Variants in SLC26A5 observed in about 807,000 individuals in gnomAD.
The protein encoded by SLC26A5 is prestin.
Under a neutral mutation model 81.0 loss-of-function variants are expected in SLC26A5, and 51 were observed. That is an observed-to-expected ratio of 0.63 (90% CI 0.50 to 0.80). SLC26A5 has a LOEUF of 0.80. Ranked by LOEUF, SLC26A5 falls within the 30% of genes least tolerant of loss-of-function variation. SLC26A5 has a pLI of 0.00. For missense variants in SLC26A5, 771 were observed against 905.8 expected, an observed-to-expected ratio of 0.85 and a Z score of 1.91; for synonymous variants, 325 against 332.8, an observed-to-expected ratio of 0.98 and a Z score of 0.25.
At position 103,378,829 on chromosome 7, in the gene SLC26A5, T is replaced by C. The variant is rs146888971; in HGVS notation, c.1678-276A>G. On this transcript the variant is annotated intron_variant, in intron 16 of 19. Transcript: ENST00000306312. The stretch of plus-strand genomic sequence containing the variant: ...CAAGTTCAGATCTGTCAGGTTGTTA[T>C]ATTTAAGAGACTCTGTGGGTTGACA... 3.8e-4 allele frequency among the ~76,000 whole-genome samples: 58 copies of C among 152,330 alleles called. No individual in the cohort carries two copies. In the East Asian group the frequency reaches 0.011, roughly 28 times the overall value.
intron 9 of SLC26A5, among the ~76,000 whole-genome samples, chr7:103,395,882 G>C (rs1041442644): frequency 5.3e-5 from 8 of 152,086 alleles, no homozygotes; most frequent in Admixed American, 2.6e-4. Context: ...AACATGGTTA[G>C]AAACTAAAAA....
At chr7:103,381,635 C>T (rs116898711) in intron 14 of SLC26A5, among the ~76,000 whole-genome samples, 171 of 150,872 alleles carry the variant, frequency 1.1e-3, no homozygotes, top group South Asian at 4.6e-3. Context: ...ACCACACATG[C>T]GTACATACCA....
chr7:103,404,416 A>G (rs1477331663), intron 8 of SLC26A5, among the ~76,000 whole-genome samples: 8 of 152,166 alleles, frequency 5.3e-5, no homozygotes, highest in African/African-American at 1.9e-4. Context: ...TTGTCTGTAA[A>G]GGATTTCATT....
intron 19 of SLC26A5, chr7:103,363,455 T>C: frequency 6.3e-7 from 1 of 1,589,546 alleles, no homozygotes; most frequent in Non-Finnish European, 8.6e-7. Context: ...TAGCTGAGTG[T>C]TGTATTTAAA....
At chr7:103,364,132 C>T (rs1563494674) in intron 19 of SLC26A5, 1 of 1,611,118 alleles carries the variant, frequency 6.2e-7, no homozygotes, top group South Asian at 1.1e-5. Flanking sequence ...AAAATTGTGT[C>T]TCTATCACAG....
chr7:103,395,343 C>CTTTTTT (rs34420602), intron 9 of SLC26A5, among the ~76,000 whole-genome samples: 4 of 105,172 alleles, frequency 3.8e-5, no homozygotes, highest in African/African-American at 7.4e-5. Flanking sequence ...AACGTAAGGT[C>CTTTTTT]TTTTTTTTTT....
At chr7:103,375,537 T>C (rs888288839) in intron 19 of SLC26A5, among the ~76,000 whole-genome samples, 2 of 152,204 alleles carry the variant, frequency 1.3e-5, no homozygotes, top group Non-Finnish European at 2.9e-5. Context: ...TTTGGCAATC[T>C]TACAGGTGAA....
At chr7:103,418,969 C>T (rs571816016) in intron 4 of SLC26A5, among the ~76,000 whole-genome samples, 28 of 152,110 alleles carry the variant, frequency 1.8e-4, no homozygotes, top group Admixed American at 5.9e-4. Flanking sequence ...TGAGAGGGAC[C>T]GGATAGGAGG....
In SLC26A5 at chr7:103,359,138, C is replaced by CTTTTTTTTTTTTT. The variant is rs35936603; in HGVS notation, c.2042-6225_2042-6213dup. On this transcript the variant is annotated intron_variant, in intron 19 of 19. Transcript: ENST00000339444. The stretch of plus-strand genomic sequence containing the variant: ...CAGGTGCATACCACCCCATGTCTGG[C>CTTTTTTTTTTTTT]TTTTTTTTTTTTTTTTTTTTTTTTT... Among the ~76,000 whole-genome samples, 83 of 31,328 alleles carry CTTTTTTTTTTTTT rather than the reference C, an allele frequency of 2.6e-3. 8 individuals carry two copies. The highest frequency in any genetic ancestry group is 3.7e-3 in the South Asian group (1 of 268). The allele number at this position is 31,328 out of a possible 152,430, so 20.6% of individuals were successfully genotyped here.
chr7:103,398,113 C>T (rs1168320222), intron 8 of SLC26A5, 99 bp from the exon 9 acceptor site: 8 of 905,028 alleles, frequency 8.8e-6, no homozygotes, highest in Non-Finnish European at 1.5e-5. Flanking sequence ...AATCTATTCT[C>T]ACTTTTAACA....
In SLC26A5 at chr7:103,374,315, A is replaced by G; in HGVS notation, c.*84T>C. On this transcript the variant is annotated 3_prime_UTR_variant, in exon 20 of 20. Coordinates refer to ENST00000306312, the MANE Select transcript of SLC26A5 (RefSeq NM_198999.3). The stretch of plus-strand genomic sequence containing the variant: ...CTACTAGTATTCACCCTTAGAAAAA[A>G]AAATCTAGCGTCTAGTATTTAAAAC... The G allele has an allele frequency of 6.4e-7, 1 of 1,566,136 alleles. No homozygotes were observed.
intron 19 of SLC26A5, 55 bp downstream of exon 19, chr7:103,376,753 T>G: frequency 8.4e-7 from 1 of 1,184,996 alleles, no homozygotes; most frequent in Non-Finnish European, 1.2e-6. Flanking sequence ...ATTATTTAAA[T>G]AAGAGAAACA....
intron 2 of SLC26A5, among the ~76,000 whole-genome samples, chr7:103,428,676 C>T (rs1825867066): frequency 6.6e-6 from 1 of 151,650 alleles, no homozygotes; most frequent in Admixed American, 6.6e-5. Context: ...GATTCTCCTG[C>T]CTCAGTCTCC....
chr7:103,441,045 G>T (rs1334979017), intron 2 of SLC26A5, among the ~76,000 whole-genome samples: 2 of 152,338 alleles, frequency 1.3e-5, no homozygotes, highest in East Asian at 3.9e-4. Context: ...CATGGAGCAG[G>T]TGGGATATGG....
chr7:103,412,129 A>G (rs1207325875), intron 5 of SLC26A5, among the ~76,000 whole-genome samples: 3 of 152,210 alleles, frequency 2.0e-5, no homozygotes, highest in Non-Finnish European at 4.4e-5. Context: ...CCAAGTCCTG[A>G]ACTGCAGGCA....
At chr7:103,438,149 C>A (rs948034514) in intron 2 of SLC26A5, among the ~76,000 whole-genome samples, 2 of 151,990 alleles carry the variant, frequency 1.3e-5, no homozygotes, top group African/African-American at 4.8e-5. Context: ...TCTCTATCTG[C>A]AGAACCTGTG....
At chr7:103,371,012 C>T (rs1821001227), downstream of SLC26A5, among the ~76,000 whole-genome samples, 1 of 152,140 alleles carries the variant, frequency 6.6e-6, no homozygotes, top group African/African-American at 2.4e-5. Flanking sequence ...GCTATTAAGG[C>T]CCAGAAAGAA....
intron 4 of SLC26A5, among the ~76,000 whole-genome samples, chr7:103,415,460 T>C (rs1020557838): frequency 1.3e-5 from 2 of 152,112 alleles, no homozygotes; most frequent in Non-Finnish European, 2.9e-5. Flanking sequence ...TTTGGGGATG[T>C]CTGGAGACAT....
rs1362525248 is a variant in SLC26A5 at position 103,397,988 on chromosome 7, A to G, written c.915T>C (p.Ala305=). ...TGTATGATTCTTTCAAGTTAAACCC[A>G]GCTGAAATGCCAGTTCCCATTACGA... ...FAVVMGTGIS[A]GFNLKESYNV... The change falls in exon 9 of 20, where the codon GCT becomes GCC. Residue 305 remains alanine (A), a synonymous_variant. Coordinates refer to ENST00000306312, the MANE Select transcript of SLC26A5 (RefSeq NM_198999.3). 6.2e-7 allele frequency: 1 copy of G among 1,614,000 alleles called. No homozygotes were observed. The highest frequency in any genetic ancestry group is 2.2e-5 in the East Asian group (1 of 44,870).
Sources: allele counts gnomAD v4.1 joint callset (sites outside exome capture counted in the v4.1 genomes callset), GRCh38; gene constraint gnomAD v4.1.1; transcripts MANE v1.5; gene names NCBI Gene and HGNC (gene_info 2026-07-23, HGNC 2026-07-21).